VWDE: variants seen among roughly 807,000 people sequenced by gnomAD.
VWDE encodes von Willebrand factor D and EGF domain-containing protein.
A neutral mutation model predicts 178.4 loss-of-function variants in VWDE; 207 were observed. The observed-to-expected ratio is 1.16, with a 90% CI of 1.04 to 1.30. VWDE has a LOEUF of 1.30. Among genes scored for constraint, VWDE ranks in the 50% most tolerant of loss-of-function variants. The pLI is 0.00. For synonymous variants in VWDE, 738 were observed against 651.4 expected (o/e 1.13, Z -2.02); for missense variants, 2,287 against 1,901.3 (o/e 1.20, Z -3.77).
chr7:12,356,755 G>A (rs138544955), intron 17 of VWDE, among the ~76,000 whole-genome samples: 359 of 152,308 alleles, frequency 2.4e-3, no homozygotes, highest in Non-Finnish European at 4.0e-3. Context: ...GTGTAAAAGC[G>A]TGTTCCAAGT....
At chr7:12,393,408 G>C (rs1413317244) in intron 2 of VWDE, among the ~76,000 whole-genome samples, 186 bp downstream of exon 2, 3 of 152,130 alleles carry the variant, frequency 2.0e-5, no homozygotes, top group Non-Finnish European at 4.4e-5. Flanking sequence ...GGACTGCATG[G>C]AGCATAACAC....
At chr7:12,387,862 T>A (rs1354985416) in intron 3 of VWDE, among the ~76,000 whole-genome samples, 1 of 151,428 alleles carries the variant, frequency 6.6e-6, no homozygotes, top group East Asian at 1.9e-4. Context: ...CCCAGGTAAC[T>A]AAATTGGGGT....
rs1276452824 is a variant in VWDE, at chr7:12,370,289, T to C, written c.2017A>G (p.Asn673Asp). 1 of 1,551,210 alleles carries C rather than the reference T, an allele frequency of 6.4e-7. No individual in the cohort carries two copies. Residue 673 changes from asparagine (N) to aspartate (D), a missense_variant, in exon 12 of 29, where the codon AAT becomes GAT. Coordinates refer to ENST00000275358, the MANE Select transcript of VWDE (RefSeq NM_001135924.3). Reference protein sequence around the residue: ...PELDVTSEYINSDTLVREINK... With the variant: ...PELDVTSEYIDSDTLVREINK... ...ATCTCTCTGACAAGAGTGTCTGAAT[T>C]AATATATTCGGAGGTGACATCTAGT...
chr7:12,398,499 T>C (rs978965686), intron 1 of VWDE, among the ~76,000 whole-genome samples: 4 of 152,164 alleles, frequency 2.6e-5, no homozygotes, highest in Non-Finnish European at 4.4e-5. Context: ...TATTCCTACA[T>C]GTAGCTATAT....
chr7:12,371,860 A>G (rs553139316), intron 10 of VWDE, among the ~76,000 whole-genome samples: 2 of 152,210 alleles, frequency 1.3e-5, no homozygotes, highest in African/African-American at 4.8e-5. Context: ...TCACCACTTA[A>G]CTATGACTTT....
intron 1 of VWDE, 132 bp downstream of exon 1, chr7:12,403,527 G>T (rs1413734105): frequency 5.0e-6 from 4 of 796,542 alleles, no homozygotes; most frequent in Non-Finnish European, 7.6e-6. Flanking sequence ...AGGCGGGTGA[G>T]GAACAAACAT....
chr7:12,336,723 A>G (rs1339730905), intron 26 of VWDE, among the ~76,000 whole-genome samples: 1 of 152,192 alleles, frequency 6.6e-6, no homozygotes, highest in Non-Finnish European at 1.5e-5. Flanking sequence ...CAACTTCAGG[A>G]CTTAAGGACT....
Position 12,356,278 on chromosome 7 carries a change from C to T in VWDE, c.3578G>A (p.Arg1193Lys). ...CLNGGSCVSDRNFSPGSGVYL... is the reference protein window; with the variant it reads ...CLNGGSCVSDKNFSPGSGVYL... ...CACTCCACTCCCTGGAGAAAAGTTC[C>T]TATCAGATACACATGATCCACCATT... The change falls in exon 18 of 29, where the codon AGG becomes AAG. Residue 1193 changes from arginine to lysine, a missense_variant. Transcript: ENST00000275358. 3 of 1,551,558 alleles carry T rather than the reference C, an allele frequency of 1.9e-6. No homozygotes were observed. The highest frequency in any genetic ancestry group is 2.4e-5 in the East Asian group (1 of 40,910).
chr7:12,403,822 A>C lies in VWDE; in HGVS notation c.-106T>G. 4 of 1,241,124 alleles carry C rather than the reference A, an allele frequency of 3.2e-6. No homozygotes were observed. The highest frequency in any genetic ancestry group is 3.4e-6 in the Non-Finnish European group (3 of 878,828). The allele number at this position is 1,241,124 out of a possible 1,614,324, so 76.9% of individuals were successfully genotyped here. On this transcript the variant is annotated 5_prime_UTR_variant, in exon 1 of 29. Coordinates refer to ENST00000275358, the MANE Select transcript of VWDE (RefSeq NM_001135924.3). ...CGGGCCTCCTTTCTTGGATTTTCTC[A>C]GTCTGTTGCTGCTTGGAACAGGGAA...
chr7:12,364,171 TCA>T (rs1357659300), intron 13 of VWDE, among the ~76,000 whole-genome samples: 2 of 152,014 alleles, frequency 1.3e-5, no homozygotes, highest in Non-Finnish European at 2.9e-5. Flanking sequence ...CAGTATCAAC[TCA>T]CAGAGATGAC....
At chr7:12,382,418 T>A (rs780212443) in intron 4 of VWDE, among the ~76,000 whole-genome samples, 1 of 151,534 alleles carries the variant, frequency 6.6e-6, no homozygotes, top group Non-Finnish European at 1.5e-5. Flanking sequence ...GACCTCCACA[T>A]ACAGTAATAG....
chr7:12,347,875 G>A (rs577960476), intron 19 of VWDE, among the ~76,000 whole-genome samples: 3 of 151,922 alleles, frequency 2.0e-5, no homozygotes, highest in Admixed American at 6.6e-5. Context: ...CCAAAACAGA[G>A]ATATAGATCA....
chr7:12,336,018 T>C, intron 27 of VWDE, 123 bp downstream of exon 27: 1 of 792,500 alleles, frequency 1.3e-6, no homozygotes. Flanking sequence ...AAATCATTTT[T>C]TAAAAAGGAT....
At chr7:12,387,308 A>G (rs1212910068) in intron 3 of VWDE, among the ~76,000 whole-genome samples, 2 of 152,048 alleles carry the variant, frequency 1.3e-5, no homozygotes, top group African/African-American at 4.8e-5. Flanking sequence ...AGAATGTGAA[A>G]TTGGAGTGTG....
Position 12,393,694 on chromosome 7 carries a change from G to A in VWDE, c.143C>T (p.Ser48Leu). Residue 48 changes from serine (S) to leucine (L), a missense_variant, in exon 2 of 29, where the codon TCA becomes TTA. By Grantham distance (145) the Ser-to-Leu change is moderately radical. Coordinates refer to ENST00000275358, the MANE Select transcript of VWDE (RefSeq NM_001135924.3). ...GTCACATATTAGGTCTTGAACAGCTGACTGCTGGAGGTGCCATGAGTCAAA... is the reference window on the plus strand; with the variant it reads ...GTCACATATTAGGTCTTGAACAGCTAACTGCTGGAGGTGCCATGAGTCAAA... ...VRFDSWHLQQ[S>L]AVQDLICDHS... is the part of the protein sequence containing the mutation. 1 of 1,551,262 alleles carries A rather than the reference G, an allele frequency of 6.4e-7. No homozygotes were observed. Among genetic ancestry groups the A allele is most frequent in the Non-Finnish European group, 8.7e-7 (1 of 1,146,702 alleles).
chr7:12,358,780 A>G (rs1782415537), intron 16 of VWDE, among the ~76,000 whole-genome samples: 2 of 152,236 alleles, frequency 1.3e-5, no homozygotes, highest in South Asian at 4.1e-4. Context: ...CAGAGGCACC[A>G]ATTCAGAAGT....
At chr7:12,374,356 T>C (rs994743752) in intron 9 of VWDE, among the ~76,000 whole-genome samples, 4 of 152,158 alleles carry the variant, frequency 2.6e-5, no homozygotes, top group Admixed American at 2.0e-4. Flanking sequence ...TGTTTTATTA[T>C]CATATGGAAA....
intron 4 of VWDE, 76 bp from the exon 5 acceptor site, chr7:12,380,809 A>C: frequency 6.8e-7 from 1 of 1,476,036 alleles, no homozygotes; most frequent in Non-Finnish European, 9.1e-7. Flanking sequence ...GCACTCAAAG[A>C]CTATAACTCT....
At chr7:12,339,427 C>A (rs889257536) in intron 24 of VWDE, among the ~76,000 whole-genome samples, 4 of 152,124 alleles carry the variant, frequency 2.6e-5, no homozygotes, top group African/African-American at 9.7e-5. Context: ...TTTCCCTTAA[C>A]TTAGTCTTTA....
Sources: allele counts gnomAD v4.1 joint callset (sites outside exome capture counted in the v4.1 genomes callset), GRCh38; gene constraint gnomAD v4.1.1; transcripts MANE v1.5; gene names NCBI Gene and HGNC (gene_info 2026-07-23, HGNC 2026-07-21).